The following RAB3IP variants were observed in gnomAD, a reference collection of about 807,000 sequenced individuals.
RAB3IP encodes the protein rab-3A-interacting protein.
In RAB3IP, 36 loss-of-function variants were observed where a neutral mutation model predicts 59.1. The ratio of observed to expected loss-of-function variants is 0.61; its 90% CI spans 0.47 to 0.80. The LOEUF is 0.80. Ranked by LOEUF, RAB3IP falls within the 30% of genes least tolerant of loss-of-function variation. RAB3IP has a pLI of 0.00. For missense variants in RAB3IP, 511 were observed against 536.0 expected (o/e 0.95, Z 0.46); for synonymous variants, 207 against 191.2 (o/e 1.08, Z -0.68).
intron 3 of RAB3IP, among the ~76,000 whole-genome samples, chr12:69,764,892 T>C (rs1334949720): frequency 6.6e-6 from 1 of 152,182 alleles, no homozygotes; most frequent in Non-Finnish European, 1.5e-5. Flanking sequence ...TATTTGTGTG[T>C]GTGTGTGGTT....
chr12:69,792,476 G>A (rs1165564640), intron 4 of RAB3IP, among the ~76,000 whole-genome samples: 1 of 152,170 alleles, frequency 6.6e-6, no homozygotes, highest in East Asian at 1.9e-4. Context: ...GGCTGTATAT[G>A]TATACATAGT....
chr12:69,805,442 A>T (rs1245161635), intron 8 of RAB3IP, among the ~76,000 whole-genome samples: 1 of 152,194 alleles, frequency 6.6e-6, no homozygotes, highest in Non-Finnish European at 1.5e-5. Context: ...TCATCTGCAA[A>T]TTGGGACAAT....
At chr12:69,794,541 T>A (rs1877146280) in intron 5 of RAB3IP, 27 bp downstream of exon 5, 2 of 1,554,490 alleles carry the variant, frequency 1.3e-6, no homozygotes, top group Admixed American at 3.5e-5. Context: ...CTTAATAGTA[T>A]AAAATAAATT....
At chr12:69,784,885 G>A (rs940489262) in intron 4 of RAB3IP, 70 bp downstream of exon 4, 2 of 868,196 alleles carry the variant, frequency 2.3e-6, no homozygotes, top group Non-Finnish European at 3.7e-6. Context: ...TGTATTTTGA[G>A]GGAATCTTGA....
chr12:69,740,853 T>C (rs778347615), intron 1 of RAB3IP, among the ~76,000 whole-genome samples: 1 of 152,258 alleles, frequency 6.6e-6, no homozygotes, highest in Non-Finnish European at 1.5e-5. Context: ...ACAGTAGTTT[T>C]ATATGCATTA....
At chr12:69,794,740 T>C (rs1423283907) in intron 5 of RAB3IP, among the ~76,000 whole-genome samples, 1 of 152,214 alleles carries the variant, frequency 6.6e-6, no homozygotes. Context: ...GTAAATCACA[T>C]GAATTATCCA....
At chr12:69,786,981 G>A (rs1875778820) in intron 4 of RAB3IP, among the ~76,000 whole-genome samples, 1 of 152,122 alleles carries the variant, frequency 6.6e-6, no homozygotes, top group Admixed American at 6.5e-5. Flanking sequence ...ATGAATCGTG[G>A]AAAAAGCGCT....
At chr12:69,767,924 A>G (rs1365227497) in intron 3 of RAB3IP, among the ~76,000 whole-genome samples, 1 of 151,758 alleles carries the variant, frequency 6.6e-6, no homozygotes, top group Non-Finnish European at 1.5e-5. Context: ...AGATTTCTGC[A>G]CAAGAGGGGT....
intron 7 of RAB3IP, among the ~76,000 whole-genome samples, chr12:69,801,301 T>G (rs528822692): frequency 1.8e-4 from 27 of 152,328 alleles, no homozygotes; most frequent in African/African-American, 5.8e-4. Context: ...GGATATTCAT[T>G]TTGAAGTGGC....
At chr12:69,747,816 A>G (rs570821202) in intron 1 of RAB3IP, among the ~76,000 whole-genome samples, 53 of 152,326 alleles carry the variant, frequency 3.5e-4, no homozygotes, top group Non-Finnish European at 2.9e-5. Flanking sequence ...ACTGAAATAG[A>G]TGAAGATATT....
At chr12:69,801,498 A>C in intron 7 of RAB3IP, 111 bp from the exon 8 acceptor site, 1 of 538,830 alleles carries the variant, frequency 1.9e-6, no homozygotes. Flanking sequence ...TGCTAAAGCC[A>C]AGCTAGTGGA....
At chr12:69,812,654 G>A (rs572304956) in intron 8 of RAB3IP, 124 bp from the exon 9 acceptor site, 22 of 651,782 alleles carry the variant, frequency 3.4e-5, no homozygotes, top group Non-Finnish European at 4.1e-5. Flanking sequence ...CATCTAGAAC[G>A]GTGCCTGGTA....
intron 3 of RAB3IP, among the ~76,000 whole-genome samples, chr12:69,761,551 C>T (rs1871309416): frequency 6.6e-6 from 1 of 152,030 alleles, no homozygotes; most frequent in Non-Finnish European, 1.5e-5. Flanking sequence ...CATTGTCTAC[C>T]CCATTCAAGT....
chr12:69,798,006 C>T (rs1045065982), intron 6 of RAB3IP, among the ~76,000 whole-genome samples: 1 of 152,100 alleles, frequency 6.6e-6, no homozygotes, highest in Non-Finnish European at 1.5e-5. Context: ...GTCTTTATAG[C>T]AGCATGATTT....
chr12:69,781,671 T>G (rs1316866088), intron 3 of RAB3IP, among the ~76,000 whole-genome samples: 1 of 152,156 alleles, frequency 6.6e-6, no homozygotes, highest in East Asian at 1.9e-4. Flanking sequence ...TAATGTGCAT[T>G]TAATCTTCTT....
chr12:69,758,625 TA>T (rs1157246065), intron 3 of RAB3IP, among the ~76,000 whole-genome samples: 5 of 152,168 alleles, frequency 3.3e-5, no homozygotes, highest in Non-Finnish European at 7.4e-5. Flanking sequence ...TTTGTGTGTT[TA>T]AACCCCACAA....
chr12:69,779,741 T>A (rs747176639), intron 3 of RAB3IP, among the ~76,000 whole-genome samples: 4 of 152,164 alleles, frequency 2.6e-5, no homozygotes, highest in Non-Finnish European at 4.4e-5. Context: ...TTCTGAATTG[T>A]TTATCTGTAT....
chr12:69,739,645 C>A, intron 1 of RAB3IP: 1 of 610,942 alleles, frequency 1.6e-6, no homozygotes, highest in Non-Finnish European at 2.9e-6. Flanking sequence ...GGCAGGCGCC[C>A]GGAGTCGCGC....
At chr12:69,804,157 C>A (rs1484801014) in intron 8 of RAB3IP, among the ~76,000 whole-genome samples, 1 of 152,198 alleles carries the variant, frequency 6.6e-6, no homozygotes, top group East Asian at 1.9e-4. Flanking sequence ...CTCTCCAGCA[C>A]CTGTTGTTTC....
Sources: allele counts gnomAD v4.1 joint callset (sites outside exome capture counted in the v4.1 genomes callset), GRCh38; gene constraint gnomAD v4.1.1; transcripts MANE v1.5; gene names NCBI Gene and HGNC (gene_info 2026-07-23, HGNC 2026-07-21).